Variants in ABR observed in about 807,000 individuals in gnomAD.
The protein encoded by ABR is ABR activator of RhoGEF and GTPase.
ABR carries 35 observed loss-of-function variants against 107.2 expected under a neutral mutation model. The observed-to-expected ratio is 0.33, with a 90% CI of 0.25 to 0.43. The LOEUF is 0.43. Among genes scored for constraint, ABR ranks in the 20% least tolerant of loss-of-function variants. The probability of loss-of-function intolerance (pLI) is 1.00; values close to 1 mark genes in which losing one functional copy is unlikely to be tolerated. For synonymous variants in ABR, 498 were observed against 462.0 expected (o/e 1.08, Z -1.00); for missense variants, 815 against 1,115.2 (o/e 0.73, Z 3.83).
At chr17:1,224,781 C>G (rs1427179964) in intron 1 of ABR, among the ~76,000 whole-genome samples, 1 of 152,152 alleles carries the variant, frequency 6.6e-6, no homozygotes, top group Non-Finnish European at 1.5e-5. Flanking sequence ...TTCAAGTGAT[C>G]CTCCCACTTC....
upstream of ABR, among the ~76,000 whole-genome samples, chr17:1,183,938 C>T (rs535095015): frequency 2.6e-5 from 4 of 152,264 alleles, no homozygotes; most frequent in East Asian, 1.9e-4. Flanking sequence ...TGGCCAGGCG[C>T]GGTGGCTCAT....
At chr17:1,038,404 AG>A (rs2073361434) in intron 16 of ABR, among the ~76,000 whole-genome samples, 1 of 152,156 alleles carries the variant, frequency 6.6e-6, no homozygotes, top group African/African-American at 2.4e-5. Context: ...TGGGAAACTC[AG>A]GGCTTTTGCT....
Position 1,210,095 on chromosome 17 carries a change from C to T in ABR, c.838+18698G>A, listed in dbSNP as rs6598854. ...AATTAGTAAAGCACTAAATTAGTGA[C>T]GGCTGATCTCTTAGAGAGACAGGGA... On this transcript the variant is annotated intron_variant, in intron 1 of 22. Transcript: ENST00000574139. The surrounding 1 kb of genome is among the most constrained non-coding windows in gnomAD (Gnocchi z 5.6). Among the ~76,000 whole-genome samples, 5 of 152,192 alleles carry T rather than the reference C, an allele frequency of 3.3e-5. No homozygotes were observed. Among genetic ancestry groups the T allele is most frequent in the African/African-American group, 1.2e-4 (5 of 41,418 alleles).
intron 1 of ABR, among the ~76,000 whole-genome samples, chr17:1,158,725 T>C (rs2041141324): frequency 4.6e-5 from 7 of 151,700 alleles, no homozygotes. Context: ...ACCGTGCCAC[T>C]GCACTCCAGC....
rs2048495293 is a variant in ABR at position 1,157,030 on chromosome 17, C to T, written c.61+22637G>A. ...CTCAGTAATAACAACAGTCCACACA[C>T]ACATACGATAAGTTAACTCACCGCA... On this transcript the variant is annotated intron_variant, in intron 1 of 22. Transcript: ENST00000302538. This position sits in a 1 kb window ranked among gnomAD's most constrained non-coding sequence, Gnocchi z 4.7. Among the ~76,000 whole-genome samples the T allele has an allele frequency of 6.6e-6, 1 of 152,224 alleles. No individual in the cohort carries two copies. Among genetic ancestry groups the T allele is most frequent in the African/African-American group, 2.4e-5 (1 of 41,456 alleles).
upstream of ABR, among the ~76,000 whole-genome samples, chr17:1,183,757 G>A (rs146128921): frequency 2.9e-3 from 448 of 152,284 alleles, 5 homozygotes; most frequent in African/African-American, 0.01. Flanking sequence ...GTTCCCATGC[G>A]GGGGCCAGGC....
At chr17:1,211,459 A>T (rs1003482869) in intron 1 of ABR, among the ~76,000 whole-genome samples, 8 of 152,138 alleles carry the variant, frequency 5.3e-5, no homozygotes, top group Admixed American at 5.2e-4. Context: ...TATCTAAATT[A>T]TTCCAGGTCC....
At chr17:1,104,583 C>A (rs916113268) in intron 2 of ABR, among the ~76,000 whole-genome samples, 4 of 152,172 alleles carry the variant, frequency 2.6e-5, no homozygotes, top group African/African-American at 4.8e-5. Flanking sequence ...TGCCACTGGG[C>A]CTGGGGGTGG....
chr17:1,075,520 C>T (rs1274346088), intron 6 of ABR, among the ~76,000 whole-genome samples: 1 of 152,226 alleles, frequency 6.6e-6, no homozygotes, highest in Non-Finnish European at 1.5e-5. Context: ...GCAGGGCCAC[C>T]AGCCTTACCC....
intron 5 of ABR, among the ~76,000 whole-genome samples, chr17:1,080,021 A>G (rs2036102226): frequency 6.6e-6 from 1 of 152,020 alleles, no homozygotes; most frequent in Admixed American, 6.6e-5. Flanking sequence ...CAGGAACCCT[A>G]CACGTCGGCC....
At position 1,010,814 on chromosome 17, in the gene ABR, G is replaced by T. The variant is rs116293541; in HGVS notation, c.2151C>A (p.Ile717=). The T allele has an allele frequency of 6.2e-7, 1 of 1,613,794 alleles. No homozygotes were observed. The highest frequency in any genetic ancestry group is 8.5e-7 in the Non-Finnish European group (1 of 1,180,026). Residue 717 remains isoleucine (I), a synonymous_variant, in exon 20 of 23, where the codon ATC becomes ATA. Transcript: ENST00000302538. This position sits in a 1 kb window ranked among gnomAD's most constrained non-coding sequence, Gnocchi z 4.1. ...GGAAGTACAGCTTGAGCGTCCCGGC[G>T]ATGGCGTTGATGTCCATGTCACTCA... ...LMLSDMDINA[I]AGTLKLYFRE... is the part of the protein sequence containing the mutation.
At chr17:1,222,285 G>A (rs1316815573) in intron 1 of ABR, among the ~76,000 whole-genome samples, 4 of 152,084 alleles carry the variant, frequency 2.6e-5, no homozygotes, top group East Asian at 1.9e-4. Context: ...GGCTGGTCTC[G>A]AACTCCTGAC....
chr17:1,136,208 GTTTTGT>G (rs1369201905), intron 1 of ABR, among the ~76,000 whole-genome samples: 3 of 152,050 alleles, frequency 2.0e-5, no homozygotes, highest in Non-Finnish European at 2.9e-5. Context: ...AATCTGATCT[GTTTTGT>G]TTTTGTTTTG....
intron 1 of ABR, among the ~76,000 whole-genome samples, chr17:1,130,468 T>G (rs2039777433): frequency 6.6e-6 from 1 of 151,704 alleles, no homozygotes; most frequent in African/African-American, 2.4e-5. Context: ...TGCCCCCCAT[T>G]CACTTAGGGA....
At chr17:1,032,744 T>C (rs2072911184) in intron 16 of ABR, among the ~76,000 whole-genome samples, 1 of 152,136 alleles carries the variant, frequency 6.6e-6, no homozygotes, top group African/African-American at 2.4e-5. Context: ...ACAAATTACG[T>C]CTCAAGGTAA....
chr17:1,109,564 G>C (rs926003104), intron 2 of ABR, among the ~76,000 whole-genome samples: 1 of 152,064 alleles, frequency 6.6e-6, no homozygotes, highest in African/African-American at 2.4e-5. Flanking sequence ...GTGGAGCGGG[G>C]AGGCCGCTTC....
chr17:1,187,252 GCC>G (rs2042323045), exon 1 of ABR: 1 of 152,454 alleles, frequency 6.6e-6, no homozygotes, highest in Non-Finnish European at 1.5e-5. Context: ...CTCTGGGGCT[GCC>G]GGTCGGGCCG....
intron 1 of ABR, chr17:1,156,300 T>G (rs1343899197): frequency 6.6e-6 from 1 of 151,950 alleles, no homozygotes; most frequent in African/African-American, 2.4e-5. Context: ...TCCCTTCACA[T>G]GGGCGACAGT....
At chr17:1,192,809 G>A (rs1225161184) in intron 1 of ABR, among the ~76,000 whole-genome samples, 1 of 152,208 alleles carries the variant, frequency 6.6e-6, no homozygotes, top group African/African-American at 2.4e-5. Flanking sequence ...AGCACTTTGG[G>A]AGGCTGAGGC....
Sources: gnomAD v4.1 joint callset for allele counts (sites outside exome capture counted in the v4.1 genomes callset) on GRCh38, gnomAD v4.1.1 for gene constraint, Gnocchi (gnomAD v3.1) non-coding constraint, MANE v1.5 for transcripts, NCBI Gene and HGNC (gene_info 2026-07-23, HGNC 2026-07-21) for gene names.